Variants in HIVEP3 observed in about 807,000 individuals in gnomAD.
The protein encoded by HIVEP3 is transcription factor HIVEP3.
In HIVEP3, 49 loss-of-function variants were observed where a neutral mutation model predicts 152.8. The ratio of observed to expected loss-of-function variants is 0.32; its 90% CI spans 0.26 to 0.41. HIVEP3 has a LOEUF of 0.41. HIVEP3 is among the 10% of genes least tolerant of loss of function. The pLI is 1.00. For synonymous variants in HIVEP3, 1,269 were observed against 1,289.0 expected (o/e 0.98, Z 0.33); for missense variants, 2,790 against 3,103.3 (o/e 0.90, Z 2.40).
chr1:41,628,815 A>C lies in HIVEP3; in HGVS notation c.-588T>G. ...CTGTTCTCTCTGAAAGCCAGCATTC[A>C]TGTCCACTCCTACGGCAGCCACCCT... On this transcript the variant is annotated 5_prime_UTR_variant, in exon 3 of 9. The change abolishes an upstream ATG in the 5' untranslated region. Coordinates refer to ENST00000372583, the MANE Select transcript of HIVEP3 (RefSeq NM_024503.5). 8.1e-7 allele frequency: 1 copy of C among 1,231,868 alleles called. No homozygotes were observed. Among genetic ancestry groups the C allele is most frequent in the Non-Finnish European group, 1.0e-6 (1 of 987,914 alleles). 76.3% of individuals were successfully genotyped at this position (1,231,868 alleles called of 1,614,324 possible). A position where few individuals can be genotyped will look rare whatever the true frequency, so the allele number is the denominator to read the frequency against.
At chr1:41,918,922 C>CT (rs1345350317), upstream of HIVEP3, among the ~76,000 whole-genome samples, 1 of 152,152 alleles carries the variant, frequency 6.6e-6, no homozygotes, top group Non-Finnish European at 1.5e-5. This position sits in a 1 kb window ranked among gnomAD's most constrained non-coding sequence, Gnocchi z 4.3. Flanking sequence ...GAGTCCAGAC[C>CT]TTTTTTGAAA....
chr1:41,520,495 C>A (rs1642732501), intron 6 of HIVEP3, among the ~76,000 whole-genome samples: 1 of 152,160 alleles, frequency 6.6e-6, no homozygotes, highest in Non-Finnish European at 1.5e-5. Context: ...GAAGGCAAAG[C>A]CAGAGTAGGA....
chr1:41,684,551 G>A (rs1167317911), intron 2 of HIVEP3, among the ~76,000 whole-genome samples: 1 of 152,238 alleles, frequency 6.6e-6, no homozygotes, highest in Non-Finnish European at 1.5e-5. Context: ...GAGAGGAGGT[G>A]TAATTACTGC....
chr1:41,863,791 G>C (rs909099617), intron 1 of HIVEP3, among the ~76,000 whole-genome samples: 2 of 152,182 alleles, frequency 1.3e-5, no homozygotes, highest in East Asian at 3.8e-4. Context: ...AATTTTTGTA[G>C]TCCAGGATTC....
chr1:41,597,436 C>T (rs61773681), intron 3 of HIVEP3, among the ~76,000 whole-genome samples: 3,410 of 152,270 alleles, frequency 0.022, 47 homozygotes, highest in Non-Finnish European at 0.033. Context: ...TGTGCCTAGA[C>T]GGAGCAAATG....
At chr1:41,803,670 A>C (rs989587759) in intron 1 of HIVEP3, among the ~76,000 whole-genome samples, 2 of 152,102 alleles carry the variant, frequency 1.3e-5, no homozygotes, top group African/African-American at 2.4e-5. Context: ...GTGAAGCTGG[A>C]CTCATGCTGT....
In HIVEP3 at chr1:41,582,206, A is replaced by G. The variant is rs1644422791; in HGVS notation, c.2592T>C (p.Pro864=). 2 of 1,613,916 alleles carry G rather than the reference A, an allele frequency of 1.2e-6. No homozygotes were observed. The highest frequency in any genetic ancestry group is 2.2e-5 in the South Asian group (2 of 91,074). The change falls in exon 4 of 9, where the codon CCT becomes CCC. Residue 864 remains proline (P), a synonymous_variant. Coordinates refer to ENST00000372583, the MANE Select transcript of HIVEP3 (RefSeq NM_024503.5). This position sits in a 1 kb window ranked among gnomAD's most constrained non-coding sequence, Gnocchi z 4.7. ...GCTCTGGCTCTGTGTCCGGCCGGTCAGGCTCCTCAGTTACTAGGATCTCAG... is the reference window on the plus strand; with the variant it reads ...GCTCTGGCTCTGTGTCCGGCCGGTCGGGCTCCTCAGTTACTAGGATCTCAG... ...QVPEILVTEE[P]DRPDTEPEPP... is the part of the protein sequence containing the mutation.
chr1:41,732,306 T>A (rs1646852590), intron 1 of HIVEP3, among the ~76,000 whole-genome samples: 1 of 152,120 alleles, frequency 6.6e-6, no homozygotes, highest in African/African-American at 2.4e-5. Context: ...ATTTTGTGGA[T>A]ATGGAAACGG....
chr1:41,980,461 C>G (rs1645288097), intron 1 of HIVEP3, among the ~76,000 whole-genome samples: 1 of 152,120 alleles, frequency 6.6e-6, no homozygotes, highest in Admixed American at 6.6e-5. Context: ...CAAAGACTAC[C>G]TATTATATGA....
At chr1:41,916,343 T>C (rs776961062) in intron 1 of HIVEP3, among the ~76,000 whole-genome samples, 4 of 152,112 alleles carry the variant, frequency 2.6e-5, no homozygotes, top group Non-Finnish European at 5.9e-5. Flanking sequence ...CACTGGGGTG[T>C]TGAGGGCAAA....
intron 5 of HIVEP3, among the ~76,000 whole-genome samples, chr1:41,561,362 C>T (rs975967390): frequency 2.6e-5 from 4 of 152,170 alleles, no homozygotes; most frequent in Non-Finnish European, 5.9e-5. Flanking sequence ...ACGGCTCACA[C>T]CACATGACCT....
chr1:41,708,678 C>T (rs1038042594), intron 1 of HIVEP3, among the ~76,000 whole-genome samples: 3 of 152,336 alleles, frequency 2.0e-5, no homozygotes, highest in Non-Finnish European at 4.4e-5. Flanking sequence ...CTTAAGTTAT[C>T]TCAAGTCAGC....
intron 1 of HIVEP3, among the ~76,000 whole-genome samples, chr1:41,982,442 C>T (rs1645298601): frequency 1.3e-5 from 2 of 152,144 alleles, no homozygotes; most frequent in African/African-American, 4.8e-5. Context: ...ACAGCTACAG[C>T]CACAGCAGAA....
chr1:41,799,996 A>G (rs897729928), intron 1 of HIVEP3, among the ~76,000 whole-genome samples: 23 of 151,874 alleles, frequency 1.5e-4, no homozygotes, highest in African/African-American at 5.1e-4. Context: ...ACCCAACTCT[A>G]CTCTGCAAAT....
At chr1:42,030,109 G>A (rs1645605080) in intron 1 of HIVEP3, among the ~76,000 whole-genome samples, 1 of 152,168 alleles carries the variant, frequency 6.6e-6, no homozygotes, top group Non-Finnish European at 1.5e-5. Flanking sequence ...CATCAGGTCA[G>A]AGGCAGAGGC....
chr1:41,835,664 G>A (rs967636593), intron 1 of HIVEP3, among the ~76,000 whole-genome samples: 2 of 152,200 alleles, frequency 1.3e-5, no homozygotes, highest in Admixed American at 6.5e-5. Context: ...GTTAGTCAAC[G>A]CAGAGGAAAT....
chr1:41,782,446 A>G (rs925514119), intron 1 of HIVEP3, among the ~76,000 whole-genome samples: 11 of 152,126 alleles, frequency 7.2e-5, no homozygotes, highest in Non-Finnish European at 1.6e-4. Flanking sequence ...AAAAATGGCT[A>G]AATGGGGCCG....
In HIVEP3 at chr1:41,584,678, G is replaced by A. The variant is rs770985685; in HGVS notation, c.120C>T (p.Ser40=). 91 of 1,584,648 alleles carry A rather than the reference G, an allele frequency of 5.7e-5. No individual in the cohort carries two copies. The highest frequency in any genetic ancestry group is 4.6e-4 in the South Asian group (40 of 86,152). The part of the protein sequence containing the change: ...SVSSSVPYPG[S]GTAATQESPA... ...GGCTCTCTTGGGTGGCAGCTGTGCCGCTGCCTGGGTATGGGACGCTGGAAG... is the reference window on the plus strand; with the variant it reads ...GGCTCTCTTGGGTGGCAGCTGTGCCACTGCCTGGGTATGGGACGCTGGAAG... The change falls in exon 4 of 9, where the codon AGC becomes AGT. Residue 40 remains serine (S), a synonymous_variant. Coordinates refer to ENST00000372583, the MANE Select transcript of HIVEP3 (RefSeq NM_024503.5). The surrounding 1 kb of genome is among the most constrained non-coding windows in gnomAD (Gnocchi z 5.2).
intron 1 of HIVEP3, among the ~76,000 whole-genome samples, chr1:41,780,251 C>T (rs904656163): frequency 6.2e-5 from 5 of 80,710 alleles, no homozygotes; most frequent in South Asian, 4.3e-4. Context: ...CTGGGCCAGT[C>T]GTGGGATTTG....
Sources: allele counts gnomAD v4.1 joint callset (sites outside exome capture counted in the v4.1 genomes callset), GRCh38; gene constraint gnomAD v4.1.1; non-coding constraint Gnocchi (gnomAD v3.1); transcripts MANE v1.5; gene names NCBI Gene and HGNC (gene_info 2026-07-23, HGNC 2026-07-21).